Variants in DTWD2 observed in about 807,000 individuals in gnomAD.
DTWD2 encodes tRNA-uridine aminocarboxypropyltransferase 2.
Under a neutral mutation model 31.8 loss-of-function variants are expected in DTWD2, and 39 were observed. That is an observed-to-expected ratio of 1.22 (90% CI 0.95 to 1.60). DTWD2 has a LOEUF of 1.60. Ranked by LOEUF, DTWD2 falls within the 40% of genes most tolerant of loss-of-function variation. The pLI is 0.00. For synonymous variants in DTWD2, 180 were observed against 142.8 expected, an observed-to-expected ratio of 1.26 and a Z score of -1.86; for missense variants, 515 against 381.5, an observed-to-expected ratio of 1.35 and a Z score of -2.92.
At chr5:118,864,813 T>C (rs1055122853) in intron 4 of DTWD2, among the ~76,000 whole-genome samples, 61 of 152,084 alleles carry the variant, frequency 4.0e-4, no homozygotes, top group African/African-American at 1.4e-3. Flanking sequence ...AGACTTATTA[T>C]GTGTAAAAAC....
intron 4 of DTWD2, among the ~76,000 whole-genome samples, chr5:118,851,610 A>T (rs1314197717): frequency 6.7e-6 from 1 of 149,418 alleles, no homozygotes; most frequent in Non-Finnish European, 1.5e-5. Flanking sequence ...GTCTTGATAA[A>T]CATCTTAACA....
chr5:118,974,557 A>G (rs776757903), intron 1 of DTWD2: 3 of 496,980 alleles, frequency 6.0e-6, no homozygotes, highest in Admixed American at 5.0e-5. Flanking sequence ...AAACCTTGTA[A>G]AAAAAGCAAA....
intron 5 of DTWD2, among the ~76,000 whole-genome samples, chr5:118,843,514 T>C (rs1372141507): frequency 6.6e-6 from 1 of 152,220 alleles, no homozygotes; most frequent in Admixed American, 6.5e-5. Context: ...AAAATAACTA[T>C]ATATGACTTT....
Position 118,964,127 on chromosome 5 carries a change from T to C in DTWD2, c.219-19478A>G, listed in dbSNP as rs549775112. Among the ~76,000 whole-genome samples the C allele has an allele frequency of 3.3e-5, 5 of 151,670 alleles. 1 individual carries two copies. The South Asian group carries it at 6.3e-4, about 19-fold the overall frequency. Reference sequence around the variant, plus strand: ...TGGGAGGCTGAGGCAGGAGAATCACTTGAACTCAGAAGGTGGAGTTGCGGT... The same window carrying C: ...TGGGAGGCTGAGGCAGGAGAATCACCTGAACTCAGAAGGTGGAGTTGCGGT... On this transcript the variant is annotated intron_variant, in intron 1 of 5. Transcript: ENST00000510708.
chr5:118,917,750 T>C (rs928010249), intron 4 of DTWD2, among the ~76,000 whole-genome samples: 1 of 152,134 alleles, frequency 6.6e-6, no homozygotes, highest in Non-Finnish European at 1.5e-5. Flanking sequence ...GGTGGGTGGA[T>C]CACTTGAGGT....
chr5:118,894,991 T>G (rs77344438), intron 4 of DTWD2, among the ~76,000 whole-genome samples: 3,979 of 152,132 alleles, frequency 0.026, 83 homozygotes, highest in Non-Finnish European at 0.037. Flanking sequence ...TGCAACATAG[T>G]ACTGAAAGTC....
chr5:118,967,359 A>C (rs1754875822), intron 1 of DTWD2, among the ~76,000 whole-genome samples: 1 of 152,220 alleles, frequency 6.6e-6, no homozygotes. Flanking sequence ...TCCACTAATA[A>C]GATAAACATC....
intron 4 of DTWD2, among the ~76,000 whole-genome samples, chr5:118,851,068 G>A (rs1751990624): frequency 1.3e-5 from 2 of 152,034 alleles, no homozygotes; most frequent in African/African-American, 4.8e-5. Context: ...CCAACATGGT[G>A]AAACCCAATC....
In DTWD2 at chr5:118,890,562, C is replaced by CTTT. The variant is rs973397760; in HGVS notation, c.597+37972_597+37974dup. Among the ~76,000 whole-genome samples the CTTT allele has an allele frequency of 1.5e-3, 106 of 71,264 alleles. 2 individuals are homozygous for CTTT. The highest frequency in any genetic ancestry group is 2.3e-3 in the Admixed American group (12 of 5,228). The allele number at this position is 71,264 out of a possible 152,430, so 46.8% of individuals were successfully genotyped here. On this transcript the variant is annotated intron_variant, in intron 4 of 5. Coordinates refer to ENST00000510708, the MANE Select transcript of DTWD2 (RefSeq NM_173666.4). ...AAAAAAGTGGGGCTTTTAGGTTTTC[C>CTTT]TTTTTTTTTTTTTTTTTTTTTTTTT...
At chr5:118,974,631 C>T (rs1386880897) in intron 1 of DTWD2, 2 of 506,266 alleles carry the variant, frequency 4.0e-6, no homozygotes, top group Admixed American at 2.4e-5. Context: ...ATGTACTTAG[C>T]TGTACTATAA....
At position 118,912,734 on chromosome 5, in the gene DTWD2, A is replaced by G. The variant is rs139335487; in HGVS notation, c.597+15803T>C. ...AAATATATATGGCAATATTTTATTT[A>G]TTATGTTTATTTTTGTCTTTTTCCC... is the stretch of plus-strand genomic sequence containing the variant. On this transcript the variant is annotated intron_variant, in intron 4 of 5. Coordinates refer to ENST00000510708, the MANE Select transcript of DTWD2 (RefSeq NM_173666.4). Among the ~76,000 whole-genome samples, 56 of 152,250 alleles carry G rather than the reference A, an allele frequency of 3.7e-4. No homozygotes were observed. In the East Asian group the frequency reaches 9.4e-3, roughly 26 times the overall value.
chr5:118,839,059 G>C lies in DTWD2; in HGVS notation c.*1858C>G, dbSNP rs1020421631. ...CACCTGTAGTCCCAGCTACTCAGGA[G>C]GCTGAGGCAGAAGAATGGCGTGAAC... On this transcript the variant is annotated 3_prime_UTR_variant, in exon 6 of 6. Transcript: ENST00000510708. The C allele has an allele frequency of 3.5e-4, 54 of 152,190 alleles. No individual in the cohort carries two copies. Among genetic ancestry groups the C allele is most frequent in the African/African-American group, 1.3e-3 (52 of 41,524 alleles). 9.4% of individuals were successfully genotyped at this position (152,190 alleles called of 1,614,324 possible). A position where few individuals can be genotyped will look rare whatever the true frequency, so the allele number is the denominator to read the frequency against.
rs1754289874 is a variant in DTWD2, at chr5:118,944,580, G to T, written c.288C>A (p.Tyr96Ter). ...TTACCTCTGCTGGATGCTGAATTAT[G>T]TACAAGTGGGTAGAGATATGCAGAG... ...AHPLHISTHLYIIQHPAEENK... is the reference protein window; with the variant it reads ...AHPLHISTHL Residue 96 changes from tyrosine (Y) to a stop codon, truncating the protein, a stop_gained, in exon 2 of 6, where the codon TAC (tyrosine) becomes TAA (stop). Coordinates refer to ENST00000510708, the MANE Select transcript of DTWD2 (RefSeq NM_173666.4). LOFTEE classifies it high-confidence loss of function. 1 of 1,613,356 alleles carries T rather than the reference G, an allele frequency of 6.2e-7. No homozygotes were observed. Among genetic ancestry groups the T allele is most frequent in the African/African-American group, 1.3e-5 (1 of 74,878 alleles).
chr5:118,927,850 GA>G (rs1450853480), intron 4 of DTWD2, among the ~76,000 whole-genome samples: 4 of 152,014 alleles, frequency 2.6e-5, no homozygotes, highest in African/African-American at 9.7e-5. Flanking sequence ...CCAGGTCATA[GA>G]AAAATATTAA....
chr5:118,917,315 TG>T (rs1302047229), intron 4 of DTWD2, among the ~76,000 whole-genome samples: 1 of 151,952 alleles, frequency 6.6e-6, no homozygotes, highest in Non-Finnish European at 1.5e-5. Context: ...CTCTAACAGG[TG>T]ATGAGGGTCC....
chr5:118,885,587 G>A (rs1359161771), intron 4 of DTWD2, among the ~76,000 whole-genome samples: 11 of 151,230 alleles, frequency 7.3e-5, no homozygotes, highest in Admixed American at 2.0e-4. Flanking sequence ...CCAACAGGGC[G>A]AAATCTCGTC....
chr5:118,925,781 C>A (rs934507803), intron 4 of DTWD2, among the ~76,000 whole-genome samples: 2 of 151,634 alleles, frequency 1.3e-5, no homozygotes, highest in African/African-American at 4.9e-5. Flanking sequence ...GGAGGCGGAG[C>A]TGGCAGTGAG....
chr5:118,884,407 C>CAGTATGTT (rs1752810070), intron 4 of DTWD2, among the ~76,000 whole-genome samples: 1 of 152,112 alleles, frequency 6.6e-6, no homozygotes, highest in Non-Finnish European at 1.5e-5. Flanking sequence ...GTCTATGAAC[C>CAGTATGTT]ACATCAGTAA....
chr5:118,911,118 T>C (rs1753449300), intron 4 of DTWD2, among the ~76,000 whole-genome samples: 1 of 152,128 alleles, frequency 6.6e-6, no homozygotes, highest in African/African-American at 2.4e-5. Flanking sequence ...TATAACTCAA[T>C]AGCAAAAACT....
Sources: allele counts gnomAD v4.1 joint callset (sites outside exome capture counted in the v4.1 genomes callset), GRCh38; gene constraint gnomAD v4.1.1; transcripts MANE v1.5; gene names NCBI Gene and HGNC (gene_info 2026-07-23, HGNC 2026-07-21).